Variants in TSHZ2 observed in about 807,000 individuals in gnomAD.
TSHZ2 encodes teashirt homolog 2.
TSHZ2 carries 21 observed loss-of-function variants against 74.4 expected under a neutral mutation model. The observed-to-expected ratio is 0.28, with a 90% confidence interval of 0.20 to 0.41. TSHZ2 has a LOEUF of 0.41. TSHZ2 is among the 10% of genes least tolerant of loss of function. TSHZ2 has a pLI of 1.00. For missense variants in TSHZ2, 1,244 were observed against 1,293.5 expected (o/e 0.96, Z 0.59); for synonymous variants, 540 against 515.3 (o/e 1.05, Z -0.65).
intron 2 of TSHZ2, among the ~76,000 whole-genome samples, chr20:53,311,797 T>C (rs1236182676): frequency 6.6e-6 from 1 of 152,172 alleles, no homozygotes; most frequent in Non-Finnish European, 1.5e-5. Flanking sequence ...ACATCTTACC[T>C]GTAGTCAGGC....
At chr20:53,472,663 G>A (rs575496831) in intron 2 of TSHZ2, among the ~76,000 whole-genome samples, 2 of 152,138 alleles carry the variant, frequency 1.3e-5, no homozygotes, top group South Asian at 2.1e-4. Flanking sequence ...AGCCAAGATG[G>A]CCGAATAGGA....
At chr20:53,293,964 C>T (rs189987960) in intron 2 of TSHZ2, among the ~76,000 whole-genome samples, 6 of 151,738 alleles carry the variant, frequency 4.0e-5, no homozygotes, top group African/African-American at 9.7e-5. Flanking sequence ...TGCAATGGGC[C>T]GAGAGATCAT....
intron 1 of TSHZ2, among the ~76,000 whole-genome samples, chr20:53,213,380 G>A (rs981905603): frequency 6.6e-6 from 1 of 152,154 alleles, no homozygotes; most frequent in Non-Finnish European, 1.5e-5. Flanking sequence ...TCCTTCTGCT[G>A]CTGCACCTGG....
intron 2 of TSHZ2, among the ~76,000 whole-genome samples, chr20:53,324,610 A>G (rs1979418542): frequency 6.6e-6 from 1 of 152,102 alleles, no homozygotes; most frequent in Non-Finnish European, 1.5e-5. Context: ...TCTTGAGCTC[A>G]AGTGATCCAC....
intron 1 of TSHZ2, among the ~76,000 whole-genome samples, chr20:53,069,436 T>C (rs1985097471): frequency 6.6e-6 from 1 of 152,108 alleles, no homozygotes; most frequent in Non-Finnish European, 1.5e-5. Context: ...ATTTATCCTA[T>C]TATCTTCCTT....
At chr20:53,086,447 G>A (rs1274090838) in intron 1 of TSHZ2, among the ~76,000 whole-genome samples, 2 of 152,084 alleles carry the variant, frequency 1.3e-5, no homozygotes, top group African/African-American at 4.8e-5. Flanking sequence ...GATTGAGGTG[G>A]AGTCTGTTAG....
chr20:53,137,897 G>A (rs1352777514), intron 1 of TSHZ2, among the ~76,000 whole-genome samples: 1 of 152,104 alleles, frequency 6.6e-6, no homozygotes, highest in Non-Finnish European at 1.5e-5. Flanking sequence ...AATAGTTGTG[G>A]TATTTTTAGA....
intron 1 of TSHZ2, among the ~76,000 whole-genome samples, chr20:53,037,326 G>A (rs375387107): frequency 2.6e-5 from 4 of 152,268 alleles, no homozygotes; most frequent in Middle Eastern, 3.4e-3. Flanking sequence ...AAATCCCTAA[G>A]TCAAACTGTG....
At chr20:53,086,882 G>T (rs969337459) in intron 1 of TSHZ2, among the ~76,000 whole-genome samples, 3 of 152,120 alleles carry the variant, frequency 2.0e-5, no homozygotes, top group African/African-American at 7.2e-5. Flanking sequence ...TAAGGGAGAA[G>T]GAAAATAAAA....
intron 1 of TSHZ2, among the ~76,000 whole-genome samples, chr20:53,007,687 G>A (rs746913344): frequency 8.6e-5 from 13 of 150,964 alleles, no homozygotes; most frequent in African/African-American, 2.2e-4. Flanking sequence ...ATGTATATGC[G>A]TGTGTGGTGT....
chr20:53,205,866 G>A (rs910314761), intron 1 of TSHZ2, among the ~76,000 whole-genome samples: 6 of 152,204 alleles, frequency 3.9e-5, no homozygotes, highest in African/African-American at 1.4e-4. Context: ...TATAACTTAT[G>A]AGCTGTGAGC....
At chr20:53,422,871 T>C (rs1236386804) in intron 2 of TSHZ2, among the ~76,000 whole-genome samples, 3 of 152,210 alleles carry the variant, frequency 2.0e-5, no homozygotes, top group Non-Finnish European at 4.4e-5. Flanking sequence ...GTTAAGAACA[T>C]AGAATGCAAA....
At chr20:53,316,447 C>A (rs1427070201) in intron 2 of TSHZ2, among the ~76,000 whole-genome samples, 2 of 152,120 alleles carry the variant, frequency 1.3e-5, no homozygotes, top group Non-Finnish European at 2.9e-5. Flanking sequence ...CCCTGAAATG[C>A]AGGCAGAGAA....
intron 1 of TSHZ2, among the ~76,000 whole-genome samples, chr20:53,016,031 C>T (rs371003686): frequency 2.6e-5 from 4 of 152,028 alleles, no homozygotes; most frequent in Admixed American, 6.6e-5. Flanking sequence ...CTCGGCTCAG[C>T]GATGTAAATC....
intron 2 of TSHZ2, among the ~76,000 whole-genome samples, chr20:53,407,378 G>T (rs570396460): frequency 6.6e-6 from 1 of 152,204 alleles, no homozygotes; most frequent in East Asian, 1.9e-4. Context: ...ATCACAAGTG[G>T]CTCAATATGG....
Position 53,482,490 on chromosome 20 carries a change from G to A in TSHZ2, c.*9-4654G>A, listed in dbSNP as rs142714873. 4.2e-3 allele frequency among the ~76,000 whole-genome samples: 644 copies of A among 152,286 alleles called. 1 individual carries two copies. The highest frequency in any genetic ancestry group is 0.011 in the South Asian group (51 of 4,828). ...AATCAGGACTGAGGTCTTGAGAACTGGAAAACTTCCTTGGTTTTCACACAG... is the reference window on the plus strand; with the variant it reads ...AATCAGGACTGAGGTCTTGAGAACTAGAAAACTTCCTTGGTTTTCACACAG... On this transcript the variant is annotated intron_variant, in intron 2 of 2. Transcript: ENST00000371497.
At chr20:53,436,416 A>G (rs775262821) in intron 2 of TSHZ2, among the ~76,000 whole-genome samples, 2 of 152,158 alleles carry the variant, frequency 1.3e-5, no homozygotes, top group Non-Finnish European at 2.9e-5. Flanking sequence ...TGCCCAGGGA[A>G]GGACACACAG....
intron 2 of TSHZ2, among the ~76,000 whole-genome samples, chr20:53,485,631 C>T (rs1986270854): frequency 6.6e-6 from 1 of 151,992 alleles, no homozygotes; most frequent in African/African-American, 2.4e-5. Flanking sequence ...ATTACTTGAA[C>T]CCAAGAGGCG....
In TSHZ2 at chr20:53,299,632, C is replaced by T. The variant is rs542974075; in HGVS notation, c.*8+43061C>T. ...TAAATAATTAGTCAATATGGCTTCA[C>T]CATATGTACAGAGCTCCACAGATAA... On this transcript the variant is annotated intron_variant, in intron 2 of 2. Coordinates refer to ENST00000371497, the MANE Select transcript of TSHZ2 (RefSeq NM_173485.6). Among the ~76,000 whole-genome samples, 3 of 152,314 alleles carry T rather than the reference C, an allele frequency of 2.0e-5. No homozygotes were observed. The East Asian group carries it at 5.8e-4, about 29-fold the overall frequency.
Sources: allele counts gnomAD v4.1 joint callset (sites outside exome capture counted in the v4.1 genomes callset), GRCh38; gene constraint gnomAD v4.1.1; transcripts MANE v1.5; gene names NCBI Gene and HGNC (gene_info 2026-07-23, HGNC 2026-07-21).